Variants in KAZN observed in about 807,000 individuals in gnomAD.
The protein encoded by KAZN is kazrin, periplakin interacting protein, also known as kazrin.
A neutral mutation model predicts 87.4 loss-of-function variants in KAZN; 40 were observed. The ratio of observed to expected loss-of-function variants is 0.46; its 90% CI spans 0.36 to 0.60. The LOEUF (loss-of-function observed/expected upper bound fraction) is 0.60, where lower values mean the gene tolerates loss of function less well. Among genes scored for constraint, KAZN ranks in the 20% least tolerant of loss-of-function variants. KAZN has a pLI of 0.00. For missense variants in KAZN, 898 were observed against 1,073.9 expected, an observed-to-expected ratio of 0.84 and a Z score of 2.29; for synonymous variants, 466 against 458.3, an observed-to-expected ratio of 1.02 and a Z score of -0.22.
intron 2 of KAZN, among the ~76,000 whole-genome samples, chr1:14,540,039 G>C (rs747877724): frequency 1.3e-5 from 2 of 152,178 alleles, no homozygotes; most frequent in African/African-American, 2.4e-5. Flanking sequence ...CTAGGGGAGA[G>C]AGGGATGTGA....
chr1:14,107,102 A>C (rs1222213832), intron 1 of KAZN, among the ~76,000 whole-genome samples: 1 of 142,774 alleles, frequency 7.0e-6, no homozygotes, highest in Non-Finnish European at 1.5e-5. Flanking sequence ...CCTCCCTCAC[A>C]TTCTCAATAC....
chr1:14,294,944 G>C (rs1653999583), intron 2 of KAZN, among the ~76,000 whole-genome samples: 1 of 151,106 alleles, frequency 6.6e-6, no homozygotes, highest in South Asian at 2.1e-4. Flanking sequence ...GGTCCCCAGG[G>C]AGTATGGCTG....
chr1:14,157,174 A>G (rs1052020525), intron 1 of KAZN, among the ~76,000 whole-genome samples: 2 of 152,012 alleles, frequency 1.3e-5, no homozygotes, highest in Non-Finnish European at 2.9e-5. Flanking sequence ...TATGGTTTCT[A>G]TTTATATCTT....
At chr1:14,974,217 GA>G (rs556174608) in intron 2 of KAZN, among the ~76,000 whole-genome samples, 108 of 151,858 alleles carry the variant, frequency 7.1e-4, no homozygotes, top group Non-Finnish European at 1.2e-3. Context: ...CTAGTCCTAG[GA>G]GTCACTTAGC....
chr1:14,341,367 C>A (rs1048705185), intron 2 of KAZN, among the ~76,000 whole-genome samples: 1 of 152,164 alleles, frequency 6.6e-6, no homozygotes, highest in Admixed American at 6.5e-5. Context: ...GCAGGCAGTG[C>A]AATCCTGTTG....
chr1:14,779,342 G>A (rs1645266415), intron 1 of KAZN, among the ~76,000 whole-genome samples: 4 of 152,114 alleles, frequency 2.6e-5, no homozygotes, highest in African/African-American at 2.4e-5. Context: ...TGGGCCCCCC[G>A]GCTTCCCTCT....
intron 2 of KAZN, among the ~76,000 whole-genome samples, chr1:14,562,737 G>A (rs1389720856): frequency 6.6e-6 from 1 of 152,210 alleles, no homozygotes; most frequent in Non-Finnish European, 1.5e-5. Flanking sequence ...CCTACTAAGT[G>A]CAAGGAGTGC....
intron 1 of KAZN, among the ~76,000 whole-genome samples, chr1:14,681,004 C>T (rs544510299): frequency 6.6e-6 from 1 of 152,262 alleles, no homozygotes; most frequent in East Asian, 1.9e-4. Flanking sequence ...AGGCACGTTA[C>T]AGGCAAAAGG....
intron 2 of KAZN, among the ~76,000 whole-genome samples, chr1:14,538,938 T>C (rs1295857577): frequency 6.6e-6 from 1 of 152,152 alleles, no homozygotes; most frequent in Non-Finnish European, 1.5e-5. Flanking sequence ...AATTTACCCT[T>C]TAGTTGCTCC....
At chr1:14,764,488 G>A (rs565351733) in intron 1 of KAZN, among the ~76,000 whole-genome samples, 8 of 147,994 alleles carry the variant, frequency 5.4e-5, no homozygotes, top group African/African-American at 7.5e-5. Flanking sequence ...TTTGTTATCC[G>A]CCGCCCCTCT....
intron 1 of KAZN, among the ~76,000 whole-genome samples, chr1:14,172,135 C>G (rs1180684433): frequency 6.6e-6 from 1 of 152,182 alleles, no homozygotes; most frequent in African/African-American, 2.4e-5. Flanking sequence ...AACATCATTT[C>G]ACATTCAAAA....
At chr1:14,417,580 GAGTCAAACC>G (rs1354570186) in intron 2 of KAZN, among the ~76,000 whole-genome samples, 1 of 152,170 alleles carries the variant, frequency 6.6e-6, no homozygotes, top group African/African-American at 2.4e-5. Flanking sequence ...TGGCTGGTTG[GAGTCAAACC>G]AGAGAAACAG....
At chr1:14,218,539 T>G (rs1351854009) in intron 2 of KAZN, among the ~76,000 whole-genome samples, 1 of 152,152 alleles carries the variant, frequency 6.6e-6, no homozygotes, top group Non-Finnish European at 1.5e-5. Context: ...CTATTAGGAT[T>G]ATGTCAAAAG....
chr1:14,675,400 C>T (rs1281255762), intron 1 of KAZN, among the ~76,000 whole-genome samples: 1 of 152,210 alleles, frequency 6.6e-6, no homozygotes, highest in Non-Finnish European at 1.5e-5. Context: ...TGGGGGTGTT[C>T]TCTTTGAAAA....
At chr1:14,086,615 T>C (rs1294497226) in intron 1 of KAZN, among the ~76,000 whole-genome samples, 1 of 152,240 alleles carries the variant, frequency 6.6e-6, no homozygotes, top group African/African-American at 2.4e-5. Context: ...ACATAAATAA[T>C]CTTTGCCTAT....
chr1:14,477,562 C>T (rs571329492), intron 2 of KAZN, among the ~76,000 whole-genome samples: 3 of 151,986 alleles, frequency 2.0e-5, no homozygotes, highest in African/African-American at 4.8e-5. Flanking sequence ...AAGGCTTGTG[C>T]GTCTCTTCTG....
At chr1:15,114,404 C>A in intron 14 of KAZN, 67 bp from the exon 15 acceptor site, 1 of 1,342,646 alleles carries the variant, frequency 7.4e-7, no homozygotes, top group Non-Finnish European at 1.0e-6. Flanking sequence ...GAGACATTTC[C>A]CAGACCTTCA....
intron 3 of KAZN, among the ~76,000 whole-genome samples, chr1:15,035,300 G>A (rs1672148909): frequency 6.6e-6 from 1 of 152,186 alleles, no homozygotes; most frequent in Non-Finnish European, 1.5e-5. Flanking sequence ...TCATCAATAA[G>A]ACGCATAGCT....
intron 1 of KAZN, among the ~76,000 whole-genome samples, chr1:14,953,195 G>A (rs772928266): frequency 2.6e-5 from 4 of 152,240 alleles, no homozygotes; most frequent in Admixed American, 6.5e-5. Flanking sequence ...GGGCTGTGTG[G>A]GGAGTGTCCC....
Sources: gnomAD v4.1 joint callset for allele counts (sites outside exome capture counted in the v4.1 genomes callset) on GRCh38, gnomAD v4.1.1 for gene constraint, MANE v1.5 for transcripts, NCBI Gene and HGNC (gene_info 2026-07-23, HGNC 2026-07-21) for gene names.